Variants in PSMC4 observed in about 807,000 individuals in gnomAD.
PSMC4 encodes proteasome 26S subunit, ATPase 4, also known as 26S proteasome regulatory subunit 6B.
PSMC4 carries 13 observed loss-of-function variants against 48.4 expected under a neutral mutation model. The ratio of observed to expected loss-of-function variants is 0.27; its 90% CI spans 0.18 to 0.43. The LOEUF (loss-of-function observed/expected upper bound fraction) is 0.43. Among genes scored for constraint, PSMC4 ranks in the 20% least tolerant of loss-of-function variants. The probability of loss-of-function intolerance (pLI) is 1.00; values close to 1 mark genes in which losing one functional copy is unlikely to be tolerated. For missense variants in PSMC4, 262 were observed against 555.9 expected (o/e 0.47, Z 5.32); for synonymous variants, 202 against 212.3 (o/e 0.95, Z 0.42).
At chr19:39,976,244 A>AATAT (rs201836352) in intron 6 of PSMC4, among the ~76,000 whole-genome samples, 7 of 132,406 alleles carry the variant, frequency 5.3e-5, no homozygotes, top group Admixed American at 1.6e-4. Flanking sequence ...CTCCAAAAAA[A>AATAT]ATATATATAT....
Position 39,974,094 on chromosome 19 carries a change from T to C in PSMC4, c.323-200T>C, listed in dbSNP as rs1971152543. On this transcript the variant is annotated intron_variant, in intron 3 of 10. Coordinates refer to ENST00000157812, the MANE Select transcript of PSMC4 (RefSeq NM_006503.4). This position sits in a 1 kb window ranked among gnomAD's most constrained non-coding sequence, Gnocchi z 5.5. ...GGCCTGCTGGACAGCCAGGGCTGGA[T>C]GTCAAGAGAGAATCAGGGCGGTAGA... 6.6e-6 allele frequency among the ~76,000 whole-genome samples: 1 copy of C among 152,094 alleles called. No homozygotes were observed. The highest frequency in any genetic ancestry group is 2.4e-5 in the African/African-American group (1 of 41,398).
chr19:39,971,297 C>A, intron 1 of PSMC4, 59 bp downstream of exon 1: 2 of 1,604,516 alleles, frequency 1.2e-6, no homozygotes, highest in Non-Finnish European at 1.7e-6. Flanking sequence ...AGGGTGAAGC[C>A]AGACCTGAGT....
At position 39,981,350 on chromosome 19, in the gene PSMC4, C is replaced by A; in HGVS notation, c.*45C>A. On this transcript the variant is annotated 3_prime_UTR_variant, in exon 11 of 11. Transcript: ENST00000157812. ...ACACCACTCAGGGGCTGGGGCTTCT[C>A]TCGCACCCCCAGCACCTCTGTCCCA... The A allele has an allele frequency of 1.4e-6, 2 of 1,401,200 alleles. No individual in the cohort carries two copies. Among genetic ancestry groups the A allele is most frequent in the South Asian group, 1.2e-5 (1 of 86,516 alleles). The allele number at this position is 1,401,200 out of a possible 1,614,324, so 86.8% of individuals were successfully genotyped here. A position where few individuals can be genotyped will look rare whatever the true frequency, so the allele number is the denominator to read the frequency against.
Position 39,974,244 on chromosome 19 carries a change from G to C in PSMC4, c.323-50G>C, listed in dbSNP as rs1158702433. The C allele has an allele frequency of 1.2e-6, 2 of 1,603,018 alleles. No homozygotes were observed. The highest frequency in any genetic ancestry group is 3.4e-5 in the Admixed American group (2 of 59,694). ...AGATTAGGAGGGAGGAAGGGGGAAG[G>C]GGCAGTTTCCAGGCTGACACTTCTC... On this transcript the variant is annotated intron_variant, in intron 3 of 10. Transcript: ENST00000157812. This position sits in a 1 kb window ranked among gnomAD's most constrained non-coding sequence, Gnocchi z 5.5.
chr19:39,974,452 G>A lies in PSMC4; in HGVS notation c.469+12G>A. 1 of 1,613,786 alleles carries A rather than the reference G, an allele frequency of 6.2e-7. No homozygotes were observed. The highest frequency in any genetic ancestry group is 8.5e-7 in the Non-Finnish European group (1 of 1,179,778). On this transcript the variant is annotated intron_variant, in intron 4 of 10. Coordinates refer to ENST00000157812, the MANE Select transcript of PSMC4 (RefSeq NM_006503.4). This position sits in a 1 kb window ranked among gnomAD's most constrained non-coding sequence, Gnocchi z 5.5. The stretch of plus-strand genomic sequence containing the variant: ...GATGCTCACCTCAGGTAAAGGGGGA[G>A]CCTGCAGCTGGGAGGGCCCCATGGG...
At position 39,972,383 on chromosome 19, in the gene PSMC4, G is replaced by A; in HGVS notation, c.150G>A (p.Glu50=). ...LYSRYKKLQQ[E]LEFLEVQEEY... ...TCTGCTCGCAGAAGCTGCAGCAAGA[G>A]CTGGAGTTCCTGGAGGTGCAGGAGG... is the stretch of plus-strand genomic sequence containing the variant. Residue 50 remains glutamate (E), a synonymous_variant, in exon 3 of 11, where the codon GAG becomes GAA. Transcript: ENST00000157812. 6.2e-7 allele frequency: 1 copy of A among 1,614,004 alleles called. No individual in the cohort carries two copies.
Position 39,979,842 on chromosome 19 carries a change from G to A in PSMC4, c.699G>A (p.Ser233=), listed in dbSNP as rs11542837. The A allele has an allele frequency of 1.9e-5, 30 of 1,613,966 alleles. 1 individual carries two copies. The highest frequency in any genetic ancestry group is 6.7e-5 in the African/African-American group (5 of 74,914). The stretch of plus-strand genomic sequence containing the variant: ...CTGCATTCATCCGGGTCGTGGGCTC[G>A]GAGTTTGTACAGAAGTATCTGGGTG... The part of the protein sequence containing the change: ...TTAAFIRVVG[S]EFVQKYLGEG... The change falls in exon 7 of 11, where the codon TCG becomes TCA. Residue 233 remains serine, a synonymous_variant. Coordinates refer to ENST00000157812, the MANE Select transcript of PSMC4 (RefSeq NM_006503.4).
At chr19:39,975,074 A>G (rs1971176097) in intron 6 of PSMC4, among the ~76,000 whole-genome samples, 3 of 152,290 alleles carry the variant, frequency 2.0e-5, no homozygotes, top group African/African-American at 7.2e-5. Context: ...GTTGTGACCT[A>G]TTAGTAATTA....
At position 39,974,472 on chromosome 19, in the gene PSMC4, C is replaced by T; in HGVS notation, c.469+32C>T. The stretch of plus-strand genomic sequence containing the variant: ...GGGGAGCCTGCAGCTGGGAGGGCCC[C>T]ATGGGGACCTTGAGGACCTGGCCAG... On this transcript the variant is annotated intron_variant, in intron 4 of 10. Transcript: ENST00000157812. The surrounding 1 kb of genome is among the most constrained non-coding windows in gnomAD (Gnocchi z 5.5). 6.2e-7 allele frequency: 1 copy of T among 1,613,534 alleles called. No individual in the cohort carries two copies. The highest frequency in any genetic ancestry group is 8.5e-7 in the Non-Finnish European group (1 of 1,179,626).
Position 39,980,304 on chromosome 19 carries a change from A to C in PSMC4, c.937A>C (p.Arg313=). ...ATGTCAGGTAATCATGGCCACAAAC[A>C]GAGCAGACACCCTGGATCCGGCCCT... is the stretch of plus-strand genomic sequence containing the variant. The part of the protein sequence containing the change: ...VNVKVIMATN[R]ADTLDPALLR... Residue 313 remains arginine (R), a synonymous_variant, in exon 9 of 11, where the codon AGA becomes CGA. Coordinates refer to ENST00000157812, the MANE Select transcript of PSMC4 (RefSeq NM_006503.4). This position sits in a 1 kb window ranked among gnomAD's most constrained non-coding sequence, Gnocchi z 4.8. 1 of 1,614,070 alleles carries C rather than the reference A, an allele frequency of 6.2e-7. No homozygotes were observed. The highest frequency in any genetic ancestry group is 1.1e-5 in the South Asian group (1 of 91,084).
At chr19:39,972,089 G>A in intron 1 of PSMC4, 57 bp from the exon 2 acceptor site, 14 of 1,505,708 alleles carry the variant, frequency 9.3e-6, no homozygotes, top group Non-Finnish European at 1.3e-5. Context: ...AGTGAAGTTG[G>A]GAAGCTTTCA....
At chr19:39,975,588 T>C (rs1447754744) in intron 6 of PSMC4, among the ~76,000 whole-genome samples, 1 of 152,164 alleles carries the variant, frequency 6.6e-6, no homozygotes, top group Non-Finnish European at 1.5e-5. Flanking sequence ...ACTGCCTGGC[T>C]TTGAAATCTT....
At chr19:39,976,819 C>T (rs1246065400) in intron 6 of PSMC4, among the ~76,000 whole-genome samples, 2 of 141,024 alleles carry the variant, frequency 1.4e-5, no homozygotes, top group African/African-American at 5.3e-5. Context: ...CGTAAACCTT[C>T]TTAAAACATG....
Position 39,980,972 on chromosome 19 carries a change from C to T in PSMC4, c.1144-220C>T, listed in dbSNP as rs1337410656. Among the ~76,000 whole-genome samples, 6 of 151,936 alleles carry T rather than the reference C, an allele frequency of 3.9e-5. No individual in the cohort carries two copies. In the East Asian group the frequency reaches 9.7e-4, roughly 24 times the overall value. Reference sequence around the variant, plus strand: ...TGACTCACTGCAGTGATCCTCCCACCTCAGCCTCCCAAGTAGCTGGGATTA... The same window carrying T: ...TGACTCACTGCAGTGATCCTCCCACTTCAGCCTCCCAAGTAGCTGGGATTA... On this transcript the variant is annotated intron_variant, in intron 10 of 10. Coordinates refer to ENST00000157812, the MANE Select transcript of PSMC4 (RefSeq NM_006503.4). The surrounding 1 kb of genome is among the most constrained non-coding windows in gnomAD (Gnocchi z 4.8).
rs1237720073 is a variant in PSMC4 at position 39,981,534 on chromosome 19, G to A, written c.*229G>A. 6 of 445,774 alleles carry A rather than the reference G, an allele frequency of 1.3e-5. No homozygotes were observed. The highest frequency in any genetic ancestry group is 2.8e-5 in the South Asian group (1 of 35,378). 27.6% of individuals were successfully genotyped at this position (445,774 alleles called of 1,614,324 possible). On this transcript the variant is annotated 3_prime_UTR_variant, in exon 11 of 11. Coordinates refer to ENST00000157812, the MANE Select transcript of PSMC4 (RefSeq NM_006503.4). The stretch of plus-strand genomic sequence containing the variant: ...CTCTTAATCTGACAGATGAGCAGAC[G>A]AGGTGCATGGCCTGGGTTGCAGCTT...
At chr19:39,972,589 C>T in intron 3 of PSMC4, 34 bp downstream of exon 3, 7 of 1,572,256 alleles carry the variant, frequency 4.5e-6, no homozygotes, top group Non-Finnish European at 6.1e-6. Flanking sequence ...TTCATCTGTC[C>T]ACTTAACAAC....
Position 39,980,832 on chromosome 19 carries a change from C to A in PSMC4, c.1143+115C>A. 2.0e-6 allele frequency: 2 copies of A among 984,288 alleles called. No homozygotes were observed. The highest frequency in any genetic ancestry group is 3.3e-6 in the Non-Finnish European group (2 of 615,222). The allele number at this position is 984,288 out of a possible 1,614,324, so 61.0% of individuals were successfully genotyped here. A position where few individuals can be genotyped will look rare whatever the true frequency, so the allele number is the denominator to read the frequency against. Reference sequence around the variant, plus strand: ...GGCTGCCCTGGGTCGTGGGCGCCATCTCTCTCTTCCTCTACCATCACTAGG... The same window carrying A: ...GGCTGCCCTGGGTCGTGGGCGCCATATCTCTCTTCCTCTACCATCACTAGG... On this transcript the variant is annotated intron_variant, in intron 10 of 10. Transcript: ENST00000157812. The surrounding 1 kb of genome is among the most constrained non-coding windows in gnomAD (Gnocchi z 4.8).
chr19:39,980,111 CAGAT>C lies in PSMC4; in HGVS notation c.884_887del (p.Gln295ArgfsTer12). The C allele has an allele frequency of 1.2e-6, 2 of 1,614,048 alleles. No individual in the cohort carries two copies. The highest frequency in any genetic ancestry group is 2.2e-5 in the East Asian group (1 of 44,874). On this transcript the variant is annotated frameshift_variant, in exon 8 of 11. Transcript: ENST00000157812. LOFTEE classifies it high-confidence loss of function. This position sits in a 1 kb window ranked among gnomAD's most constrained non-coding sequence, Gnocchi z 4.8. Reference sequence around the variant, plus strand: ...GAGGATCCTGCTGGAGCTGCTGAATCAGATGGATGGATTTGATCAGAATGTCAAT... The same window carrying C: ...GAGGATCCTGCTGGAGCTGCTGAATCGGATGGATTTGATCAGAATGTCAAT...
intron 1 of PSMC4, among the ~76,000 whole-genome samples, chr19:39,971,687 A>AT (rs1599725539): frequency 6.6e-6 from 1 of 152,062 alleles, no homozygotes. Flanking sequence ...CCTGAGTGAT[A>AT]TTTAGGTCTA....
Sources: gnomAD v4.1 joint callset for allele counts (sites outside exome capture counted in the v4.1 genomes callset) on GRCh38, gnomAD v4.1.1 for gene constraint, Gnocchi (gnomAD v3.1) non-coding constraint, MANE v1.5 for transcripts, NCBI Gene and HGNC (gene_info 2026-07-23, HGNC 2026-07-21) for gene names.